PDZK1: variants seen among roughly 807,000 people sequenced by gnomAD.
PDZK1 encodes the protein Na(+)/H(+) exchange regulatory cofactor NHE-RF3.
In PDZK1, 23 loss-of-function variants were observed where a neutral mutation model predicts 38.1. The ratio of observed to expected loss-of-function variants is 0.60; its 90% CI spans 0.43 to 0.85. The LOEUF (loss-of-function observed/expected upper bound fraction) is 0.85. Ranked by LOEUF, PDZK1 falls within the 40% of genes least tolerant of loss-of-function variation. PDZK1 has a pLI of 0.00. For synonymous variants in PDZK1, 98 were observed against 186.2 expected (o/e 0.53, Z 3.86); for missense variants, 297 against 504.3 (o/e 0.59, Z 3.94).
In PDZK1 at chr1:145,686,252, C is replaced by T. The variant is rs1442805793; in HGVS notation, c.460+225G>A. On this transcript the variant is annotated intron_variant, in intron 3 of 8. Coordinates refer to ENST00000417171, the MANE Select transcript of PDZK1 (RefSeq NM_001201325.2). ...GGACAGGAGTACCCAGTGCCCCCCACCCCCACTGCTGTCCAGTGTCCCTCC... is the reference window on the plus strand; with the variant it reads ...GGACAGGAGTACCCAGTGCCCCCCATCCCCACTGCTGTCCAGTGTCCCTCC... Among the ~76,000 whole-genome samples the T allele has an allele frequency of 3.9e-5, 6 of 152,242 alleles. No individual in the cohort carries two copies. The East Asian group carries it at 1.2e-3, about 29-fold the overall frequency.
At chr1:145,672,194 T>A (rs1319006098) in intron 8 of PDZK1, among the ~76,000 whole-genome samples, 2 of 152,182 alleles carry the variant, frequency 1.3e-5, no homozygotes, top group Non-Finnish European at 2.9e-5. Context: ...TCTTTCCTAG[T>A]AATAAAACTG....
At chr1:145,694,408 G>C (rs1213315649) in intron 1 of PDZK1, among the ~76,000 whole-genome samples, 1 of 152,150 alleles carries the variant, frequency 6.6e-6, no homozygotes, top group Non-Finnish European at 1.5e-5. Context: ...TTGGGATCAT[G>C]AACATAGTTC....
Position 145,687,931 on chromosome 1 carries a change from C to T in PDZK1, c.91G>A (p.Glu31Lys), listed in dbSNP as rs781802502. Residue 31 changes from glutamate (E) to lysine (K), a missense_variant, in exon 2 of 9, where the codon GAG becomes AAG. Coordinates refer to ENST00000417171, the MANE Select transcript of PDZK1 (RefSeq NM_001201325.2). ...GFFLRIEKDTEGHLVRVVEKC... is the reference protein window; with the variant it reads ...GFFLRIEKDTKGHLVRVVEKC... Reference sequence around the variant, plus strand: ...TCAACCACCCGGACCAGGTGGCCCTCGGTGTCCTTCTCAATTCGCAGGAAG... The same window carrying T: ...TCAACCACCCGGACCAGGTGGCCCTTGGTGTCCTTCTCAATTCGCAGGAAG... 29 of 1,612,604 alleles carry T rather than the reference C, an allele frequency of 1.8e-5. No individual in the cohort carries two copies. Among genetic ancestry groups the T allele is most frequent in the East Asian group, 4.5e-5 (2 of 44,864 alleles).
rs1652980334 is a variant in PDZK1 at position 145,671,097 on chromosome 1, T to C, written c.*339A>G. ...TAAGCAGCTGTCACCTATACAGAGTTATGAATCATCTTTGGTGCTCAAGGA... is the reference window on the plus strand; with the variant it reads ...TAAGCAGCTGTCACCTATACAGAGTCATGAATCATCTTTGGTGCTCAAGGA... On this transcript the variant is annotated 3_prime_UTR_variant, in exon 9 of 9. Transcript: ENST00000417171. 9.2e-6 allele frequency: 3 copies of C among 326,080 alleles called. No homozygotes were observed. Among genetic ancestry groups the C allele is most frequent in the African/African-American group, 6.6e-5 (3 of 45,608 alleles). 20.2% of individuals were successfully genotyped at this position (326,080 alleles called of 1,614,324 possible). A position where few individuals can be genotyped will look rare whatever the true frequency, so the allele number is the denominator to read the frequency against.
intron 1 of PDZK1, among the ~76,000 whole-genome samples, chr1:145,704,579 T>C (rs1309110763): frequency 6.6e-6 from 1 of 152,164 alleles, no homozygotes; most frequent in Non-Finnish European, 1.5e-5. Flanking sequence ...GACAAGGAAA[T>C]AGAAGCTTAG....
rs1199398823 is a variant in PDZK1, at chr1:145,687,988, GT to G, written c.33del (p.Lys11AsnfsTer72). The G allele has an allele frequency of 6.2e-7, 1 of 1,612,912 alleles. No individual in the cohort carries two copies. Among genetic ancestry groups the G allele is most frequent in the Non-Finnish European group, 8.5e-7 (1 of 1,179,752 alleles). ...TAGTTTTGCCCTTCTTGCTTGGACA[GT>G]TTACATTCTCGGGGGTTGAAGGTGG... MTSTFNPREC[K>X]LSKQEGQNYG... On this transcript the variant is annotated frameshift_variant, in exon 2 of 9. Transcript: ENST00000417171. LOFTEE classifies it high-confidence loss of function.
chr1:145,697,004 C>T (rs1655664877), intron 1 of PDZK1, among the ~76,000 whole-genome samples: 2 of 152,218 alleles, frequency 1.3e-5, no homozygotes, highest in Non-Finnish European at 1.5e-5. Context: ...AAAGCCTTTG[C>T]AATACCTGTA....
At chr1:145,693,394 G>GA (rs1479951692) in intron 1 of PDZK1, among the ~76,000 whole-genome samples, 15 of 152,104 alleles carry the variant, frequency 9.9e-5, no homozygotes, top group African/African-American at 3.4e-4. Flanking sequence ...TAGAGATTTA[G>GA]AAAAATCGAT....
At chr1:145,700,923 G>T (rs1571641751) in intron 1 of PDZK1, among the ~76,000 whole-genome samples, 2 of 152,116 alleles carry the variant, frequency 1.3e-5, no homozygotes, top group Non-Finnish European at 2.9e-5. Flanking sequence ...ACTTAGCAGG[G>T]GCTGGGCGCG....
chr1:145,672,232 ATT>A (rs1440784180), intron 8 of PDZK1, among the ~76,000 whole-genome samples: 1 of 152,152 alleles, frequency 6.6e-6, no homozygotes, highest in Non-Finnish European at 1.5e-5. Flanking sequence ...TTTAAACAAT[ATT>A]GTCTTTAACC....
chr1:145,697,276 G>A (rs587708004), intron 1 of PDZK1, among the ~76,000 whole-genome samples: 7 of 151,086 alleles, frequency 4.6e-5, no homozygotes, highest in East Asian at 3.9e-4. Context: ...GCGGTGAGCC[G>A]AGATCACACC....
At chr1:145,680,649 A>G (rs1362832173) in intron 5 of PDZK1, among the ~76,000 whole-genome samples, 53 of 150,408 alleles carry the variant, frequency 3.5e-4, no homozygotes, top group Non-Finnish European at 7.1e-4. Flanking sequence ...ACCAATTTGG[A>G]TTTCCCCCCA....
intron 6 of PDZK1, among the ~76,000 whole-genome samples, chr1:145,676,789 T>C (rs879996896): frequency 1.6e-4 from 24 of 151,782 alleles, no homozygotes; most frequent in Admixed American, 5.9e-4. Flanking sequence ...TTGAAGATGC[T>C]CTCTTCTCCA....
intron 6 of PDZK1, among the ~76,000 whole-genome samples, chr1:145,675,089 T>A (rs1175380606): frequency 2.6e-5 from 4 of 151,744 alleles, no homozygotes; most frequent in African/African-American, 9.8e-5. Flanking sequence ...TCACTTCTAT[T>A]ATGCCAAACT....
chr1:145,703,533 GTC>G (rs1553705281), intron 1 of PDZK1, among the ~76,000 whole-genome samples: 1 of 152,118 alleles, frequency 6.6e-6, no homozygotes, highest in Admixed American at 6.6e-5. Context: ...GATAAGCAGA[GTC>G]TGGATTCAAA....
At chr1:145,702,321 T>C (rs1485173970) in intron 1 of PDZK1, among the ~76,000 whole-genome samples, 4 of 151,896 alleles carry the variant, frequency 2.6e-5, no homozygotes, top group Non-Finnish European at 4.4e-5. Flanking sequence ...GTTCTATGAG[T>C]TGGGAGAGGG....
intron 1 of PDZK1, among the ~76,000 whole-genome samples, chr1:145,693,495 G>A (rs918440568): frequency 4.6e-5 from 7 of 151,780 alleles, no homozygotes; most frequent in Admixed American, 2.6e-4. Flanking sequence ...GGTGCCGGGC[G>A]CGGTGGCTCA....
At chr1:145,692,817 G>A (rs1553703545) in intron 1 of PDZK1, among the ~76,000 whole-genome samples, 3 of 151,852 alleles carry the variant, frequency 2.0e-5, no homozygotes, top group South Asian at 2.1e-4. Flanking sequence ...AGCGGATAAC[G>A]AGGTCAGGAG....
At chr1:145,698,339 A>G (rs1242112146) in intron 1 of PDZK1, among the ~76,000 whole-genome samples, 1 of 152,110 alleles carries the variant, frequency 6.6e-6, no homozygotes. Flanking sequence ...GTCCCCATTT[A>G]AAAAAACTGA....
Sources: gnomAD v4.1 joint callset for allele counts (sites outside exome capture counted in the v4.1 genomes callset) on GRCh38, gnomAD v4.1.1 for gene constraint, MANE v1.5 for transcripts, NCBI Gene and HGNC (gene_info 2026-07-23, HGNC 2026-07-21) for gene names.